Variants in ARHGAP35 observed in about 807,000 individuals in gnomAD.
ARHGAP35 encodes the protein Rho GTPase activating protein 35.
In ARHGAP35, 15 loss-of-function variants were observed where a neutral mutation model predicts 111.1. That is an observed-to-expected ratio of 0.13 (90% CI 0.09 to 0.21). The LOEUF (loss-of-function observed/expected upper bound fraction) is 0.21, where lower values mean the gene tolerates loss of function less well. Ranked by LOEUF, ARHGAP35 falls within the 10% of genes least tolerant of loss-of-function variation. The pLI is 1.00. For missense variants in ARHGAP35, 1,262 were observed against 1,873.0 expected (o/e 0.67, Z 6.02); for synonymous variants, 643 against 710.3 (o/e 0.91, Z 1.51).
intron 2 of ARHGAP35, among the ~76,000 whole-genome samples, chr19:46,923,026 AAAG>A (rs1315606581): frequency 1.3e-5 from 2 of 152,214 alleles, no homozygotes; most frequent in Non-Finnish European, 2.9e-5. Context: ...CAGGGAGAGA[AAAG>A]AAAAAGTTAA....
At position 46,921,553 on chromosome 19, in the gene ARHGAP35, G is replaced by T. The variant is rs1277845532; in HGVS notation, c.2878G>T (p.Ala960Ser). 1.2e-6 allele frequency: 2 copies of T among 1,613,836 alleles called. No homozygotes were observed. The highest frequency in any genetic ancestry group is 1.7e-6 in the Non-Finnish European group (2 of 1,179,876). Reference sequence around the variant, plus strand: ...TCATATGTACGATAATGCTGCCGAGGCCTGTAGCACCACCGAAGAGGTGTT... The same window carrying T: ...TCATATGTACGATAATGCTGCCGAGTCCTGTAGCACCACCGAAGAGGTGTT... ...ATHMYDNAAE[A>S]CSTTEEVFNS... The change falls in exon 2 of 7, where the codon GCC (alanine) becomes TCC (serine). Residue 960 changes from alanine (A) to serine (S), a missense_variant. Ala to Ser is a moderately conservative substitution (Grantham distance 99). Coordinates refer to ENST00000672722, the MANE Select transcript of ARHGAP35 (RefSeq NM_004491.5). The surrounding 1 kb of genome is among the most constrained non-coding windows in gnomAD (Gnocchi z 4.3).
At chr19:46,950,337 T>G (rs757473330) in intron 3 of ARHGAP35, among the ~76,000 whole-genome samples, 1 of 152,220 alleles carries the variant, frequency 6.6e-6, no homozygotes, top group Non-Finnish European at 1.5e-5. Flanking sequence ...CCTGGACATT[T>G]GGGTACTTTC....
chr19:46,884,980 C>T (rs530428937), intron 1 of ARHGAP35, among the ~76,000 whole-genome samples: 7 of 152,128 alleles, frequency 4.6e-5, no homozygotes, highest in Non-Finnish European at 1.0e-4. Flanking sequence ...GACCTCCCAA[C>T]GTGTTGGGAT....
chr19:46,969,860 G>A (rs182177022), intron 3 of ARHGAP35, among the ~76,000 whole-genome samples: 1 of 152,090 alleles, frequency 6.6e-6, no homozygotes, highest in African/African-American at 2.4e-5. Context: ...ATGCTTCTGT[G>A]AATACCCCCC....
chr19:46,936,335 T>C (rs2056306997), intron 2 of ARHGAP35, among the ~76,000 whole-genome samples: 1 of 152,224 alleles, frequency 6.6e-6, no homozygotes, highest in African/African-American at 2.4e-5. Flanking sequence ...CTGCTGCTAG[T>C]ACTTCTTGAA....
intron 2 of ARHGAP35, among the ~76,000 whole-genome samples, chr19:46,932,183 G>T (rs908791385): frequency 1.3e-5 from 2 of 152,236 alleles, no homozygotes; most frequent in Non-Finnish European, 2.9e-5. Flanking sequence ...TCAGGAGGCT[G>T]AGGCAGGAGA....
chr19:46,903,186 A>G (rs2122170178), intron 1 of ARHGAP35, among the ~76,000 whole-genome samples: 1 of 152,220 alleles, frequency 6.6e-6, no homozygotes, highest in South Asian at 2.1e-4. Context: ...ATAGTGAAGG[A>G]ACTGGGTTGA....
rs1044399012 is a variant in ARHGAP35, at chr19:46,922,396, A to G, written c.3681+40A>G. Reference sequence around the variant, plus strand: ...TAGGATTAGTCATAGTGTTTTGTACAGCGTCTCGGTGAGGGTTGATTGATG... The same window carrying G: ...TAGGATTAGTCATAGTGTTTTGTACGGCGTCTCGGTGAGGGTTGATTGATG... On this transcript the variant is annotated intron_variant, in intron 2 of 6. Transcript: ENST00000672722. This position sits in a 1 kb window ranked among gnomAD's most constrained non-coding sequence, Gnocchi z 4.0. 9.5e-6 allele frequency: 14 copies of G among 1,474,796 alleles called. No homozygotes were observed. The South Asian group carries it at 1.4e-4, about 15-fold the overall frequency. The allele number at this position is 1,474,796 out of a possible 1,614,324, so 91.4% of individuals were successfully genotyped here. A position where few individuals can be genotyped will look rare whatever the true frequency, so the allele number is the denominator to read the frequency against.
chr19:46,868,893 ATTTTTTTTTTT>A (rs59080309), intron 1 of ARHGAP35, among the ~76,000 whole-genome samples: 3 of 58,702 alleles, frequency 5.1e-5, no homozygotes, highest in East Asian at 5.5e-4. Context: ...GCTCACCGTG[ATTTTTTTTTTT>A]TTTTTTTTTT....
chr19:46,884,273 C>T (rs537116948), intron 1 of ARHGAP35, among the ~76,000 whole-genome samples: 7 of 151,976 alleles, frequency 4.6e-5, no homozygotes, highest in African/African-American at 1.7e-4. Context: ...ATTGTGCCAA[C>T]TACACTCCAG....
At chr19:46,870,440 G>A (rs2055881801) in intron 1 of ARHGAP35, among the ~76,000 whole-genome samples, 1 of 151,892 alleles carries the variant, frequency 6.6e-6, no homozygotes, top group Non-Finnish European at 1.5e-5. Context: ...TTAGCCGGGT[G>A]TGGTGGCGGG....
chr19:46,923,648 G>A (rs1202839186), intron 2 of ARHGAP35, among the ~76,000 whole-genome samples: 3 of 151,662 alleles, frequency 2.0e-5, no homozygotes, highest in African/African-American at 4.8e-5. Context: ...GCCAGGCGCC[G>A]TGGCTCACGC....
In ARHGAP35 at chr19:46,999,246, T is replaced by C; in HGVS notation, c.4037-58T>C. The C allele has an allele frequency of 8.0e-7, 1 of 1,245,474 alleles. No homozygotes were observed. The highest frequency in any genetic ancestry group is 1.3e-5 in the South Asian group (1 of 77,270). The allele number at this position is 1,245,474 out of a possible 1,614,324, so 77.2% of individuals were successfully genotyped here. ...AGAAGGCCCATCACAGAGCACGCCC[T>C]GGGGTGGCCACCAGCCTCGGCCATG... On this transcript the variant is annotated intron_variant, in intron 5 of 6. Transcript: ENST00000672722. This position sits in a 1 kb window ranked among gnomAD's most constrained non-coding sequence, Gnocchi z 5.4.
At chr19:46,949,996 C>G (rs1021053803) in intron 3 of ARHGAP35, among the ~76,000 whole-genome samples, 1 of 152,100 alleles carries the variant, frequency 6.6e-6, no homozygotes, top group Non-Finnish European at 1.5e-5. Flanking sequence ...AAAAGCACAC[C>G]CATCTGGGCA....
At chr19:46,980,179 G>A (rs2056613735) in intron 3 of ARHGAP35, among the ~76,000 whole-genome samples, 1 of 152,164 alleles carries the variant, frequency 6.6e-6, no homozygotes, top group Admixed American at 6.5e-5. Context: ...GAGGTCAGGA[G>A]TTCAAGACCA....
intron 1 of ARHGAP35, among the ~76,000 whole-genome samples, chr19:46,869,476 T>TTGTGTGTGTGTGTG (rs36048282): frequency 6.9e-6 from 1 of 144,210 alleles, no homozygotes; most frequent in African/African-American, 2.5e-5. Flanking sequence ...AGAAAAAAAA[T>TTGTGTGTGTGTGTG]TGTGTGTGTG....
At chr19:46,961,423 A>C (rs979571529) in intron 3 of ARHGAP35, among the ~76,000 whole-genome samples, 5 of 152,196 alleles carry the variant, frequency 3.3e-5, no homozygotes, top group African/African-American at 1.2e-4. Context: ...AATGCTCTCC[A>C]GTATAGCACC....
intron 3 of ARHGAP35, among the ~76,000 whole-genome samples, chr19:46,978,146 G>A (rs1467295247): frequency 6.6e-6 from 1 of 152,200 alleles, no homozygotes; most frequent in Non-Finnish European, 1.5e-5. Flanking sequence ...GCCACATGTT[G>A]AGAAGTTTGT....
intron 1 of ARHGAP35, among the ~76,000 whole-genome samples, chr19:46,873,375 T>G (rs2055898066): frequency 6.6e-6 from 1 of 152,092 alleles, no homozygotes; most frequent in South Asian, 2.1e-4. Context: ...CTCACACTTG[T>G]AATCCTAGCA....
Sources: allele counts gnomAD v4.1 joint callset (sites outside exome capture counted in the v4.1 genomes callset), GRCh38; gene constraint gnomAD v4.1.1; non-coding constraint Gnocchi (gnomAD v3.1); transcripts MANE v1.5; gene names NCBI Gene and HGNC (gene_info 2026-07-23, HGNC 2026-07-21).